OSBPL8: variants seen among roughly 807,000 people sequenced by gnomAD.
OSBPL8 encodes oxysterol binding protein like 8, also known as oxysterol-binding protein-related protein 8.
Under a neutral mutation model 125.5 loss-of-function variants are expected in OSBPL8, and 59 were observed. The ratio of observed to expected loss-of-function variants is 0.47; its 90% CI spans 0.38 to 0.58. The LOEUF (loss-of-function observed/expected upper bound fraction) is 0.58. OSBPL8 is among the 20% of genes least tolerant of loss of function. The probability of loss-of-function intolerance (pLI) is 0.00; values close to 1 mark genes in which losing one functional copy is unlikely to be tolerated. For missense variants in OSBPL8, 758 were observed against 1,047.8 expected (o/e 0.72, Z 3.82); for synonymous variants, 330 against 338.9 (o/e 0.97, Z 0.29).
chr12:76,472,123 C>T (rs902935886), intron 2 of OSBPL8, among the ~76,000 whole-genome samples: 4 of 152,176 alleles, frequency 2.6e-5, no homozygotes, highest in African/African-American at 9.7e-5. Context: ...GAGTTCAAGT[C>T]CTGACTCCAT....
At chr12:76,390,809 A>T (rs1476804753) in intron 10 of OSBPL8, 152 bp from the exon 11 acceptor site, 2 of 593,744 alleles carry the variant, frequency 3.4e-6, no homozygotes, top group African/African-American at 3.7e-5. Flanking sequence ...TTAATCTTCA[A>T]AATAACCCTA....
intron 2 of OSBPL8, among the ~76,000 whole-genome samples, chr12:76,478,687 T>C (rs1877102234): frequency 6.6e-6 from 1 of 151,666 alleles, no homozygotes; most frequent in South Asian, 2.1e-4. Flanking sequence ...ACTCACACAA[T>C]AGGTAATACT....
chr12:76,386,840 ACC>A (rs1953332914), intron 12 of OSBPL8, among the ~76,000 whole-genome samples, 180 bp from the exon 13 acceptor site: 1 of 152,124 alleles, frequency 6.6e-6, no homozygotes, highest in African/African-American at 2.4e-5. Flanking sequence ...GTTTTTCTTA[ACC>A]TGGTCACATT....
chr12:76,556,854 CG>C (rs1422427368), intron 1 of OSBPL8, among the ~76,000 whole-genome samples: 3 of 151,990 alleles, frequency 2.0e-5, no homozygotes, highest in African/African-American at 7.2e-5. Flanking sequence ...TTAGTAGAGA[CG>C]GGGTTTCACC....
chr12:76,487,390 T>A lies in OSBPL8; in HGVS notation c.42+120A>T, dbSNP rs905007061. 6.8e-6 allele frequency: 5 copies of A among 739,804 alleles called. No individual in the cohort carries two copies. In the African/African-American group the frequency reaches 9.4e-5, roughly 14 times the overall value. 45.8% of individuals were successfully genotyped at this position (739,804 alleles called of 1,614,324 possible). ...TGTAATTCTCAAGGAGTTAAAGCATTATTTTAAAAATACTTTTTAAAAGTT... is the reference window on the plus strand; with the variant it reads ...TGTAATTCTCAAGGAGTTAAAGCATAATTTTAAAAATACTTTTTAAAAGTT... On this transcript the variant is annotated intron_variant, in intron 2 of 23. Transcript: ENST00000261183.
At chr12:76,391,757 T>A (rs1470448726) in intron 10 of OSBPL8, among the ~76,000 whole-genome samples, 1 of 151,708 alleles carries the variant, frequency 6.6e-6, no homozygotes, top group African/African-American at 2.4e-5. Context: ...AGTGAGTCCC[T>A]GGCTCTAAAA....
At position 76,559,498 on chromosome 12, in the gene OSBPL8, A is replaced by G. The variant is rs923490053; in HGVS notation, c.-169T>C. The G allele has an allele frequency of 5.3e-5, 8 of 152,056 alleles. No homozygotes were observed. Among genetic ancestry groups the G allele is most frequent in the Non-Finnish European group, 1.2e-4 (8 of 68,002 alleles). 9.4% of individuals were successfully genotyped at this position (152,056 alleles called of 1,614,324 possible). A position where few individuals can be genotyped will look rare whatever the true frequency, so the allele number is the denominator to read the frequency against. ...CCCGTAAGCGTCTAGTCAGACCCCAACTTCTCTCGGCCGCTGTCGTCGGCG... is the reference window on the plus strand; with the variant it reads ...CCCGTAAGCGTCTAGTCAGACCCCAGCTTCTCTCGGCCGCTGTCGTCGGCG... On this transcript the variant is annotated 5_prime_UTR_variant, in exon 1 of 24. Coordinates refer to ENST00000261183, the MANE Select transcript of OSBPL8 (RefSeq NM_020841.5).
At chr12:76,373,283 T>C (rs1183787483) in intron 18 of OSBPL8, 61 bp downstream of exon 18, 1 of 889,996 alleles carries the variant, frequency 1.1e-6, no homozygotes, top group Non-Finnish European at 1.6e-6. Context: ...ATTTTAAATG[T>C]GATTTTTTTT....
chr12:76,501,801 A>G (rs1384365482), intron 1 of OSBPL8, among the ~76,000 whole-genome samples: 1 of 152,264 alleles, frequency 6.6e-6, no homozygotes, highest in African/African-American at 2.4e-5. Flanking sequence ...CTAGTTGCCC[A>G]GTGGCAGGTA....
In OSBPL8 at chr12:76,369,743, C is replaced by G. The variant is rs759143633; in HGVS notation, c.2134G>C (p.Ala712Pro). 3 of 1,613,668 alleles carry G rather than the reference C, an allele frequency of 1.9e-6. No individual in the cohort carries two copies. The highest frequency in any genetic ancestry group is 2.5e-6 in the Non-Finnish European group (3 of 1,179,738). ...CGATCCCTGGCAGCTTGTCTTTGAG[C>G]TTCTTCCAAAACATACTTCTCTTGG... is the stretch of plus-strand genomic sequence containing the variant. ...ATQEKYVLEEAQRQAARDRKT... is the reference protein window; with the variant it reads ...ATQEKYVLEEPQRQAARDRKT... Residue 712 changes from alanine to proline, a missense_variant, in exon 20 of 24, where the codon GCT (alanine) becomes CCT (proline). Physicochemically the swap from Ala to Pro is conservative, Grantham distance 27. This residue lies in a region of OSBPL8 where 572 missense variants were observed against 762.0 expected (regional missense o/e 0.75). Transcript: ENST00000261183.
intron 1 of OSBPL8, among the ~76,000 whole-genome samples, chr12:76,490,559 C>A (rs959406759): frequency 1.3e-5 from 2 of 152,222 alleles, no homozygotes; most frequent in Admixed American, 6.5e-5. Flanking sequence ...TACCTACCTG[C>A]CCCATCCCCT....
intron 1 of OSBPL8, among the ~76,000 whole-genome samples, chr12:76,516,812 CTTTTCT>C (rs1482731214): frequency 1.7e-4 from 25 of 146,270 alleles, no homozygotes; most frequent in African/African-American, 2.8e-4. Context: ...CTTTTCTTTT[CTTTTCT>C]TTTTTTTTTT....
At chr12:76,511,782 G>A (rs1388062227) in intron 1 of OSBPL8, among the ~76,000 whole-genome samples, 1 of 152,144 alleles carries the variant, frequency 6.6e-6, no homozygotes, top group Non-Finnish European at 1.5e-5. Flanking sequence ...TGATGTCTTT[G>A]TCATAAAATC....
At chr12:76,542,043 T>C (rs1042136985) in intron 1 of OSBPL8, among the ~76,000 whole-genome samples, 5 of 151,832 alleles carry the variant, frequency 3.3e-5, no homozygotes, top group African/African-American at 1.2e-4. Context: ...TGGTGGCACA[T>C]GCCTGTAATC....
At position 76,392,242 on chromosome 12, in the gene OSBPL8, G is replaced by A. The variant is rs576226525; in HGVS notation, c.929+339C>T. On this transcript the variant is annotated intron_variant, in intron 10 of 23. Transcript: ENST00000261183. The stretch of plus-strand genomic sequence containing the variant: ...GTTTCACACATGATGTAATATTTGA[G>A]ACTGATCTTGAAGAATATATAGACA... 7.2e-5 allele frequency among the ~76,000 whole-genome samples: 11 copies of A among 152,290 alleles called. No homozygotes were observed. In the East Asian group the frequency reaches 1.9e-3, roughly 27 times the overall value.
chr12:76,371,428 C>T lies in OSBPL8; in HGVS notation c.2054+20G>A, dbSNP rs755245199. ...TACTCTCTGATCCTCATGAAGTTAG[C>T]TGTAAAACAGTATACTTACTTCTCT... On this transcript the variant is annotated intron_variant, in intron 19 of 23. Transcript: ENST00000261183. 25 of 1,582,066 alleles carry T rather than the reference C, an allele frequency of 1.6e-5. No homozygotes were observed. The highest frequency in any genetic ancestry group is 2.7e-5 in the African/African-American group (2 of 73,794).
intron 3 of OSBPL8, among the ~76,000 whole-genome samples, chr12:76,455,349 A>G (rs1873909587): frequency 6.6e-6 from 1 of 152,204 alleles, no homozygotes; most frequent in Non-Finnish European, 1.5e-5. Flanking sequence ...TCTCATTTAC[A>G]TATGACACAT....
intron 5 of OSBPL8, 53 bp from the exon 6 acceptor site, chr12:76,402,819 C>T (rs530000008): frequency 1.9e-5 from 22 of 1,165,294 alleles, no homozygotes; most frequent in South Asian, 4.1e-5. Context: ...TTCTACACGT[C>T]GCATAAAAAT....
intron 4 of OSBPL8, among the ~76,000 whole-genome samples, chr12:76,438,689 A>C (rs1372025285): frequency 6.6e-6 from 1 of 152,220 alleles, no homozygotes; most frequent in African/African-American, 2.4e-5. Context: ...TATCGTGAGT[A>C]GATGTTAAAA....
Sources: gnomAD v4.1 joint callset for allele counts (sites outside exome capture counted in the v4.1 genomes callset) on GRCh38, gnomAD v4.1.1 for gene constraint, gnomAD v4.1.1 regional missense constraint, MANE v1.5 for transcripts, NCBI Gene and HGNC (gene_info 2026-07-23, HGNC 2026-07-21) for gene names.